GAB2: variants seen among roughly 807,000 people sequenced by gnomAD.
GAB2 encodes GRB2 associated binding protein 2.
A neutral mutation model predicts 65.5 loss-of-function variants in GAB2; 26 were observed. That is an observed-to-expected ratio of 0.40 (90% CI 0.29 to 0.55). GAB2 has a LOEUF of 0.55. Among genes scored for constraint, GAB2 ranks in the 20% least tolerant of loss-of-function variants. The probability of loss-of-function intolerance (pLI) is 0.53; values close to 1 mark genes in which losing one functional copy is unlikely to be tolerated. For missense variants in GAB2, 884 were observed against 875.8 expected, an observed-to-expected ratio of 1.01 and a Z score of -0.12; for synonymous variants, 321 against 329.6, an observed-to-expected ratio of 0.97 and a Z score of 0.28.
chr11:78,316,748 T>C (rs1172964687), intron 1 of GAB2, among the ~76,000 whole-genome samples: 1 of 152,120 alleles, frequency 6.6e-6, no homozygotes. Flanking sequence ...AAATTGAAAA[T>C]AGAATTACCA....
intron 1 of GAB2, among the ~76,000 whole-genome samples, chr11:78,394,176 T>C (rs1162127979): frequency 1.3e-5 from 2 of 152,166 alleles, no homozygotes; most frequent in Non-Finnish European, 2.9e-5. Context: ...TAGTCCCAGC[T>C]ACTTGGGAGG....
chr11:78,340,425 C>T (rs1314286676), intron 1 of GAB2, among the ~76,000 whole-genome samples: 4 of 152,140 alleles, frequency 2.6e-5, no homozygotes, highest in Non-Finnish European at 5.9e-5. Flanking sequence ...TACACCCTCT[C>T]ATGGACCCTT....
At chr11:78,358,912 C>G (rs1008364278) in intron 1 of GAB2, among the ~76,000 whole-genome samples, 8 of 151,974 alleles carry the variant, frequency 5.3e-5, no homozygotes, top group Non-Finnish European at 8.8e-5. Context: ...GAACTAAATA[C>G]TTTTGAAAAC....
intron 3 of GAB2, among the ~76,000 whole-genome samples, chr11:78,243,845 G>GAA (rs1554976902): frequency 6.6e-6 from 1 of 151,520 alleles, no homozygotes; most frequent in Admixed American, 6.6e-5. Context: ...CTCTGTCTCA[G>GAA]AAAAAGAAAA....
intron 1 of GAB2, among the ~76,000 whole-genome samples, chr11:78,317,363 C>A (rs926030757): frequency 4.6e-5 from 7 of 151,950 alleles, no homozygotes; most frequent in African/African-American, 1.7e-4. Flanking sequence ...AGATTGAGAC[C>A]ATTCTGGCCA....
intron 1 of GAB2, among the ~76,000 whole-genome samples, chr11:78,304,513 T>C (rs1855307124): frequency 6.6e-6 from 1 of 152,222 alleles, no homozygotes; most frequent in East Asian, 1.9e-4. Flanking sequence ...AGAAGTCACA[T>C]TACAATCTTA....
chr11:78,271,923 G>T (rs1205434720), intron 2 of GAB2, among the ~76,000 whole-genome samples: 4 of 152,212 alleles, frequency 2.6e-5, no homozygotes, highest in Non-Finnish European at 5.9e-5. Flanking sequence ...CTTTTCTTGT[G>T]ATAGTGAATA....
intron 1 of GAB2, chr11:78,341,808 T>C (rs1459951469): frequency 2.0e-6 from 2 of 985,862 alleles, no homozygotes; most frequent in African/African-American, 1.7e-5. Context: ...GTCTCTCTAT[T>C]GCTAGCCTCG....
intron 1 of GAB2, among the ~76,000 whole-genome samples, chr11:78,348,138 G>C (rs1856219630): frequency 6.6e-6 from 1 of 152,160 alleles, no homozygotes; most frequent in South Asian, 2.1e-4. Flanking sequence ...GAAGAGGTTA[G>C]ACTTGCTGTC....
intron 1 of GAB2, among the ~76,000 whole-genome samples, chr11:78,365,919 A>G (rs1468043402): frequency 6.6e-6 from 1 of 152,236 alleles, no homozygotes; most frequent in African/African-American, 2.4e-5. Context: ...ATATTCAGCC[A>G]CTAACTGGCA....
At chr11:78,323,517 CA>C (rs535127206) in intron 1 of GAB2, among the ~76,000 whole-genome samples, 3 of 148,212 alleles carry the variant, frequency 2.0e-5, no homozygotes, top group Non-Finnish European at 4.5e-5. Context: ...CTCCCCAATT[CA>C]AAAAAAAAGG....
At chr11:78,354,955 G>A (rs1856335992) in intron 1 of GAB2, among the ~76,000 whole-genome samples, 1 of 152,236 alleles carries the variant, frequency 6.6e-6, no homozygotes, top group Non-Finnish European at 1.5e-5. Flanking sequence ...CAGTTGAGGA[G>A]AGAAGAAAAG....
intron 3 of GAB2, among the ~76,000 whole-genome samples, chr11:78,238,635 C>CA (rs947532673): frequency 3.3e-5 from 5 of 150,550 alleles, no homozygotes; most frequent in Non-Finnish European, 7.4e-5. Flanking sequence ...AAAACTAACT[C>CA]AAAATGGATC....
chr11:78,275,741 T>C (rs1866149491), intron 2 of GAB2, among the ~76,000 whole-genome samples: 1 of 152,212 alleles, frequency 6.6e-6, no homozygotes. Flanking sequence ...TATGTGTATA[T>C]ACATATTTCT....
chr11:78,321,728 T>C (rs1413221953), intron 1 of GAB2, among the ~76,000 whole-genome samples: 1 of 152,144 alleles, frequency 6.6e-6, no homozygotes, highest in East Asian at 1.9e-4. Flanking sequence ...ACCACATTAG[T>C]CAACTTTCAA....
chr11:78,294,079 C>T (rs181089230), intron 1 of GAB2, among the ~76,000 whole-genome samples: 13 of 152,246 alleles, frequency 8.5e-5, no homozygotes, highest in Non-Finnish European at 1.5e-4. Context: ...TCCCTCCACC[C>T]CACAACAGGC....
At chr11:78,301,847 T>C (rs1315874124) in intron 1 of GAB2, among the ~76,000 whole-genome samples, 3 of 152,120 alleles carry the variant, frequency 2.0e-5, no homozygotes, top group Non-Finnish European at 4.4e-5. Context: ...AACAGGCACA[T>C]AGACCAATGG....
At chr11:78,283,935 G>A (rs1424679257) in intron 1 of GAB2, among the ~76,000 whole-genome samples, 1 of 151,094 alleles carries the variant, frequency 6.6e-6, no homozygotes, top group Admixed American at 6.6e-5. Flanking sequence ...CAGTTTCACA[G>A]CTTTAAAAAA....
At chr11:78,294,144 C>A (rs1329357916) in intron 1 of GAB2, among the ~76,000 whole-genome samples, 1 of 152,148 alleles carries the variant, frequency 6.6e-6, no homozygotes, top group Non-Finnish European at 1.5e-5. Context: ...GTTCAATTCC[C>A]ATCTATGAGT....
Sources: allele counts gnomAD v4.1 joint callset (sites outside exome capture counted in the v4.1 genomes callset), GRCh38; gene constraint gnomAD v4.1.1; transcripts MANE v1.5; gene names NCBI Gene and HGNC (gene_info 2026-07-23, HGNC 2026-07-21).